Variants in VPS13B observed in about 807,000 individuals in gnomAD.
VPS13B encodes the protein vacuolar protein sorting 13 homolog B.
VPS13B carries 285 observed loss-of-function variants against 426.4 expected under a neutral mutation model. The ratio of observed to expected loss-of-function variants is 0.67; its 90% CI spans 0.61 to 0.74. VPS13B has a LOEUF of 0.74. Among genes scored for constraint, VPS13B ranks in the 30% least tolerant of loss-of-function variants. VPS13B has a pLI of 0.00. For synonymous variants in VPS13B, 1,676 were observed against 1,676.4 expected, an observed-to-expected ratio of 1.00 and a Z score of 0.01; for missense variants, 4,537 against 4,782.6, an observed-to-expected ratio of 0.95 and a Z score of 1.51.
chr8:99,664,939 G>A (rs1016989472), intron 35 of VPS13B, among the ~76,000 whole-genome samples: 2 of 152,206 alleles, frequency 1.3e-5, no homozygotes, highest in African/African-American at 4.8e-5. Context: ...TGCCAACAGT[G>A]TAAAACTGTT....
At chr8:99,872,094 G>A (rs140686264) in intron 61 of VPS13B, among the ~76,000 whole-genome samples, 107 of 152,256 alleles carry the variant, frequency 7.0e-4, no homozygotes, top group Non-Finnish European at 1.3e-3. Flanking sequence ...GCAATTCCAC[G>A]CAACTGCTCC....
rs550208445 is a variant in VPS13B at position 99,372,964 on chromosome 8, C to T, written c.2825-11244C>T. On this transcript the variant is annotated intron_variant, in intron 19 of 61. Transcript: ENST00000357162. ...ATTAAGAAAATGTGGCCCATATCCA[C>T]AGTGGAATACTATGCAGTCACAAAA... Among the ~76,000 whole-genome samples, 13 of 152,332 alleles carry T rather than the reference C, an allele frequency of 8.5e-5. No individual in the cohort carries two copies. In the South Asian group the frequency reaches 2.5e-3, roughly 29 times the overall value.
At chr8:99,256,636 T>G (rs1215714275) in intron 17 of VPS13B, among the ~76,000 whole-genome samples, 1 of 152,186 alleles carries the variant, frequency 6.6e-6, no homozygotes, top group Non-Finnish European at 1.5e-5. Flanking sequence ...TGCATTTTCT[T>G]AATTAGTAAT....
intron 3 of VPS13B, among the ~76,000 whole-genome samples, chr8:99,059,263 A>G (rs912132211): frequency 6.6e-6 from 1 of 152,170 alleles, no homozygotes; most frequent in African/African-American, 2.4e-5. Context: ...TAGTGTCCCA[A>G]GTAGCTGGTA....
intron 35 of VPS13B, chr8:99,697,662 G>T: frequency 1.5e-6 from 1 of 652,394 alleles, no homozygotes. Context: ...GGGTGCAGCA[G>T]ATGATCGGGC....
chr8:99,327,938 AG>A (rs1810361964), intron 19 of VPS13B, among the ~76,000 whole-genome samples: 1 of 152,208 alleles, frequency 6.6e-6, no homozygotes, highest in South Asian at 2.1e-4. Flanking sequence ...CTATCAGTCA[AG>A]GTTTAATTAG....
chr8:99,685,882 T>G (rs530199545), intron 35 of VPS13B, among the ~76,000 whole-genome samples: 1 of 152,344 alleles, frequency 6.6e-6, no homozygotes, highest in South Asian at 2.1e-4. Flanking sequence ...AGGTCATGTT[T>G]GCCTGGATGG....
intron 19 of VPS13B, among the ~76,000 whole-genome samples, chr8:99,312,003 T>G (rs1002020642): frequency 6.6e-6 from 1 of 152,172 alleles, no homozygotes; most frequent in African/African-American, 2.4e-5. Flanking sequence ...ACCCCTGCCT[T>G]TTTTTATTGT....
intron 17 of VPS13B, among the ~76,000 whole-genome samples, chr8:99,243,337 G>T (rs1210775830): frequency 1.3e-5 from 2 of 152,118 alleles, no homozygotes; most frequent in African/African-American, 4.8e-5. Context: ...TGGAGCTTTA[G>T]TTTAGTTTAA....
Position 99,753,168 on chromosome 8 carries a change from G to A in VPS13B, c.7051-13606G>A, listed in dbSNP as rs944461323. 3.3e-5 allele frequency among the ~76,000 whole-genome samples: 5 copies of A among 152,016 alleles called. No homozygotes were observed. The East Asian group carries it at 9.6e-4, about 29-fold the overall frequency. Reference sequence around the variant, plus strand: ...ATGTAGTATGCATTTTAAAATATTAGTTCTTTTCCTAAAATATAAACTTAA... The same window carrying A: ...ATGTAGTATGCATTTTAAAATATTAATTCTTTTCCTAAAATATAAACTTAA... On this transcript the variant is annotated intron_variant, in intron 39 of 61. Transcript: ENST00000357162.
intron 19 of VPS13B, among the ~76,000 whole-genome samples, chr8:99,365,745 G>C (rs901036318): frequency 6.6e-6 from 1 of 151,668 alleles, no homozygotes; most frequent in East Asian, 1.9e-4. Flanking sequence ...TCGAAATCCT[G>C]ACCTTGTGAT....
chr8:99,315,212 A>G (rs1047916963), intron 19 of VPS13B, among the ~76,000 whole-genome samples: 1 of 152,162 alleles, frequency 6.6e-6, no homozygotes, highest in African/African-American at 2.4e-5. Flanking sequence ...CTACTATTTC[A>G]TTAAATAGCT....
chr8:99,479,228 A>G (rs776130562), intron 24 of VPS13B, among the ~76,000 whole-genome samples: 3 of 152,170 alleles, frequency 2.0e-5, no homozygotes, highest in African/African-American at 7.2e-5. Context: ...TCCTTCAGGA[A>G]TATACCTTGA....
chr8:99,772,742 G>C (rs188306453), intron 40 of VPS13B, among the ~76,000 whole-genome samples: 164 of 152,288 alleles, frequency 1.1e-3, no homozygotes, highest in Middle Eastern at 3.4e-3. Context: ...GTTATTTGGA[G>C]TTAGGGTTAA....
chr8:99,596,661 T>G (rs1827032882), intron 33 of VPS13B, among the ~76,000 whole-genome samples: 1 of 152,048 alleles, frequency 6.6e-6, no homozygotes, highest in South Asian at 2.1e-4. Context: ...ACTCTGACGT[T>G]GCGTGTAGCA....
intron 3 of VPS13B, among the ~76,000 whole-genome samples, chr8:99,055,323 A>G (rs1360394976): frequency 6.6e-6 from 1 of 152,144 alleles, no homozygotes; most frequent in Non-Finnish European, 1.5e-5. Flanking sequence ...TACAGGCGTG[A>G]GCCACCATGC....
chr8:99,286,555 T>C (rs1431192225), intron 19 of VPS13B, among the ~76,000 whole-genome samples: 2 of 152,174 alleles, frequency 1.3e-5, no homozygotes, highest in Non-Finnish European at 2.9e-5. Context: ...CCTGACAGAA[T>C]TTGCGTACCT....
chr8:99,717,427 A>G (rs1832969199), intron 37 of VPS13B, 54 bp downstream of exon 37: 1 of 1,485,154 alleles, frequency 6.7e-7, no homozygotes, highest in South Asian at 1.1e-5. Context: ...GCCTCTGTTC[A>G]TTTTTTGAAC....
intron 32 of VPS13B, among the ~76,000 whole-genome samples, 184 bp from the exon 33 acceptor site, chr8:99,577,306 T>A (rs532743468): frequency 1.1e-3 from 163 of 152,260 alleles, no homozygotes; most frequent in Non-Finnish European, 1.4e-3. Flanking sequence ...CTCATAAATA[T>A]GAAATTCATC....
Sources: allele counts gnomAD v4.1 joint callset (sites outside exome capture counted in the v4.1 genomes callset), GRCh38; gene constraint gnomAD v4.1.1; transcripts MANE v1.5; gene names NCBI Gene and HGNC (gene_info 2026-07-23, HGNC 2026-07-21).